The following ATM variants were observed in gnomAD, a reference collection of about 807,000 sequenced individuals.
ATM encodes serine-protein kinase ATM.
Under a neutral mutation model 387.0 loss-of-function variants are expected in ATM, and 308 were observed. The ratio of observed to expected loss-of-function variants is 0.80; its 90% CI spans 0.73 to 0.87. The LOEUF is 0.87. ATM is among the 40% of genes least tolerant of loss of function. The pLI is 0.00. For synonymous variants in ATM, 1,156 were observed against 1,187.3 expected (o/e 0.97, Z 0.54); for missense variants, 3,312 against 3,560.9 (o/e 0.93, Z 1.78).
At chr11:108,243,570 A>G (rs1455429561) in intron 5 of ATM, among the ~76,000 whole-genome samples, 9 of 152,146 alleles carry the variant, frequency 5.9e-5, no homozygotes, top group African/African-American at 1.7e-4. Flanking sequence ...CCAAGATTGC[A>G]CCATTGCACT....
At chr11:108,335,370 TGC>T (rs2136676744) in intron 55 of ATM, 2 of 1,114,908 alleles carry the variant, frequency 1.8e-6, no homozygotes, top group East Asian at 6.5e-5. Flanking sequence ...ACAGTGAGGT[TGC>T]TTCTTATGAA....
At chr11:108,243,834 A>G in intron 5 of ATM, 119 bp from the exon 6 acceptor site, 1 of 899,342 alleles carries the variant, frequency 1.1e-6, no homozygotes, top group Non-Finnish European at 1.7e-6. Context: ...AAAATAAATT[A>G]GTGCAGTTTT....
chr11:108,357,035 A>AGCTG (rs1425852982), intron 61 of ATM, among the ~76,000 whole-genome samples: 1 of 152,218 alleles, frequency 6.6e-6, no homozygotes, highest in African/African-American at 2.4e-5. Context: ...CTGAGGTACC[A>AGCTG]GGTTCATCTC....
rs569765764 is a variant in ATM, at chr11:108,270,972, G to T, written c.2839-92G>T. ...GCCTCCCAAAGTGCTGGGATTACAGGTGTGAGCCACTGCACCCGGCCTATG... is the reference window on the plus strand; with the variant it reads ...GCCTCCCAAAGTGCTGGGATTACAGTTGTGAGCCACTGCACCCGGCCTATG... On this transcript the variant is annotated intron_variant, in intron 18 of 62. Coordinates refer to ENST00000675843, the MANE Select transcript of ATM (RefSeq NM_000051.4). 183 of 1,030,266 alleles carry T rather than the reference G, an allele frequency of 1.8e-4. No individual in the cohort carries two copies. The African/African-American group carries it at 2.7e-3, about 15-fold the overall frequency. The allele number at this position is 1,030,266 out of a possible 1,614,324, so 63.8% of individuals were successfully genotyped here.
chr11:108,279,771 G>A (rs1296662385), intron 23 of ATM, among the ~76,000 whole-genome samples, 163 bp downstream of exon 23: 1 of 152,128 alleles, frequency 6.6e-6, no homozygotes, highest in Non-Finnish European at 1.5e-5. Context: ...CATTCTTTCT[G>A]GGTCACAATG....
rs925167272 is a variant in ATM, at chr11:108,223,115, G to T, written c.-102G>T. The T allele has an allele frequency of 5.4e-6, 1 of 186,510 alleles. No individual in the cohort carries two copies. Among genetic ancestry groups the T allele is most frequent in the Non-Finnish European group, 1.1e-5 (1 of 87,168 alleles). The allele number at this position is 186,510 out of a possible 1,614,324, so 11.6% of individuals were successfully genotyped here. ...AAAAGAAGCCGTGGCCGCGGGAGGA[G>T]GCGAGAGGAGTCGGGATCTGCGCTG... On this transcript the variant is annotated 5_prime_UTR_variant, in exon 1 of 63. In the 5' UTR this introduces an upstream ATG that the reference lacks. Coordinates refer to ENST00000675843, the MANE Select transcript of ATM (RefSeq NM_000051.4).
At chr11:108,364,589 G>A (rs1275992030) in intron 61 of ATM, among the ~76,000 whole-genome samples, 2 of 152,146 alleles carry the variant, frequency 1.3e-5, no homozygotes, top group Non-Finnish European at 2.9e-5. Flanking sequence ...AGAGCCATAG[G>A]AATAGGGTGG....
chr11:108,350,749 G>C (rs551992182), intron 59 of ATM, among the ~76,000 whole-genome samples: 2 of 152,274 alleles, frequency 1.3e-5, no homozygotes, highest in African/African-American at 4.8e-5. Flanking sequence ...ATCTGAGAAT[G>C]AAAGGAGAGT....
intron 1 of ATM, chr11:108,224,978 ACTGTT>A (rs1398803963): frequency 4.6e-5 from 7 of 152,188 alleles, no homozygotes; most frequent in African/African-American, 1.7e-4. Flanking sequence ...ATAATACTGA[ACTGTT>A]TTGTTTTCTT....
At chr11:108,298,434 A>G (rs1182001166) in intron 33 of ATM, among the ~76,000 whole-genome samples, 4 of 152,374 alleles carry the variant, frequency 2.6e-5, no homozygotes, top group South Asian at 4.1e-4. Flanking sequence ...ACGCTTGTAC[A>G]TGTAGCACCC....
intron 16 of ATM, among the ~76,000 whole-genome samples, chr11:108,262,457 C>A (rs1356250561): frequency 9.2e-5 from 14 of 152,180 alleles, no homozygotes; most frequent in Non-Finnish European, 1.3e-4. Flanking sequence ...ACCACCAGGC[C>A]TGCCTTACAA....
chr11:108,325,199 G>A, intron 45 of ATM, 111 bp from the exon 46 acceptor site: 1 of 746,100 alleles, frequency 1.3e-6, no homozygotes, highest in Non-Finnish European at 2.1e-6. Context: ...CACTACAAAA[G>A]TTCCTTTGTA....
intron 61 of ATM, among the ~76,000 whole-genome samples, chr11:108,356,313 A>C (rs1199416312): frequency 6.6e-6 from 1 of 152,178 alleles, no homozygotes; most frequent in Non-Finnish European, 1.5e-5. Context: ...AGACAGGTGG[A>C]TCACCTGAGG....
intron 15 of ATM, 142 bp from the exon 16 acceptor site, chr11:108,258,844 T>TG: frequency 1.5e-6 from 1 of 671,956 alleles, no homozygotes; most frequent in Non-Finnish European, 2.6e-6. Flanking sequence ...TAAGAAAAGA[T>TG]GTGTTTTTGA....
rs567752032 is a variant in ATM, at chr11:108,368,106, C to G, written c.*2598C>G. The G allele has an allele frequency of 4.8e-6, 1 of 207,776 alleles. No individual in the cohort carries two copies. Among genetic ancestry groups the G allele is most frequent in the South Asian group, 1.9e-4 (1 of 5,282 alleles). The allele number at this position is 207,776 out of a possible 1,614,324, so 12.9% of individuals were successfully genotyped here. A position where few individuals can be genotyped will look rare whatever the true frequency, so the allele number is the denominator to read the frequency against. ...TATGCTATGAGGCTCCTGTTCTGTTCAAGTATTCTAATCAATGGCTTTGAA... is the reference window on the plus strand; with the variant it reads ...TATGCTATGAGGCTCCTGTTCTGTTGAAGTATTCTAATCAATGGCTTTGAA... On this transcript the variant is annotated 3_prime_UTR_variant, in exon 63 of 63. Coordinates refer to ENST00000675843, the MANE Select transcript of ATM (RefSeq NM_000051.4).
chr11:108,273,990 T>C (rs539305826), intron 22 of ATM, among the ~76,000 whole-genome samples: 2 of 152,290 alleles, frequency 1.3e-5, no homozygotes, highest in East Asian at 1.9e-4. Flanking sequence ...CGGCTGTGAA[T>C]CCCTCTGGTC....
chr11:108,256,417 T>C (rs2080493932), intron 14 of ATM, 77 bp downstream of exon 14: 10 of 1,480,600 alleles, frequency 6.8e-6, no homozygotes, highest in South Asian at 4.7e-5. Context: ...TACATTTGTT[T>C]GGAAGACATT....
intron 24 of ATM, among the ~76,000 whole-genome samples, chr11:108,281,994 C>A (rs1041446381): frequency 2.0e-5 from 3 of 152,126 alleles, no homozygotes; most frequent in Admixed American, 6.5e-5. Context: ...AAGACAGGGT[C>A]TCACTCTGTC....
intron 7 of ATM, among the ~76,000 whole-genome samples, chr11:108,245,849 G>A (rs2079823201): frequency 7.5e-6 from 1 of 133,182 alleles, no homozygotes; most frequent in Non-Finnish European, 1.6e-5. Flanking sequence ...TTTTGAGACA[G>A]AGTCTCACTC....
Sources: allele counts gnomAD v4.1 joint callset (sites outside exome capture counted in the v4.1 genomes callset), GRCh38; gene constraint gnomAD v4.1.1; transcripts MANE v1.5; gene names NCBI Gene and HGNC (gene_info 2026-07-23, HGNC 2026-07-21).